Variants in FMN1 observed in about 807,000 individuals in gnomAD.
The protein encoded by FMN1 is formin-1.
A neutral mutation model predicts 132.4 loss-of-function variants in FMN1; 110 were observed. The ratio of observed to expected loss-of-function variants is 0.83; its 90% CI spans 0.71 to 0.97. The LOEUF (loss-of-function observed/expected upper bound fraction) is 0.97, where lower values mean the gene tolerates loss of function less well. Among genes scored for constraint, FMN1 ranks in the 50% least tolerant of loss-of-function variants. FMN1 has a pLI of 0.00. For synonymous variants in FMN1, 722 were observed against 651.7 expected, an observed-to-expected ratio of 1.11 and a Z score of -1.64; for missense variants, 1,792 against 1,705.3, an observed-to-expected ratio of 1.05 and a Z score of -0.90.
At chr15:32,882,571 A>G (rs2059796295) in intron 16 of FMN1, among the ~76,000 whole-genome samples, 1 of 152,218 alleles carries the variant, frequency 6.6e-6, no homozygotes, top group Non-Finnish European at 1.5e-5. Flanking sequence ...GTGCATAATG[A>G]TAATAAAAAA....
chr15:33,015,487 C>G (rs1158875147), intron 6 of FMN1, among the ~76,000 whole-genome samples: 1 of 152,116 alleles, frequency 6.6e-6, no homozygotes, highest in Non-Finnish European at 1.5e-5. Flanking sequence ...TGCGCTCTTT[C>G]TTACACATAT....
chr15:33,032,119 T>C (rs1403390257), intron 6 of FMN1, among the ~76,000 whole-genome samples: 4 of 152,220 alleles, frequency 2.6e-5, no homozygotes, highest in Non-Finnish European at 4.4e-5. Flanking sequence ...TGACTTACTT[T>C]CTCTAATCCA....
chr15:32,789,270 A>G (rs1213192362), intron 19 of FMN1, among the ~76,000 whole-genome samples: 2 of 152,190 alleles, frequency 1.3e-5, no homozygotes, highest in African/African-American at 4.8e-5. Flanking sequence ...TTAAATGACA[A>G]AACTGAAGAT....
At chr15:33,091,299 A>C (rs1021237201) in intron 4 of FMN1, among the ~76,000 whole-genome samples, 1 of 152,204 alleles carries the variant, frequency 6.6e-6, no homozygotes, top group South Asian at 2.1e-4. Flanking sequence ...ATTTATGCAA[A>C]CACACATGCA....
chr15:33,124,253 A>G (rs1358988145), intron 4 of FMN1, among the ~76,000 whole-genome samples: 1 of 146,568 alleles, frequency 6.8e-6, no homozygotes, highest in Non-Finnish European at 1.5e-5. Flanking sequence ...TGTTATGTGG[A>G]GGAAAAAAAC....
At chr15:33,017,379 T>A (rs541965714) in intron 6 of FMN1, among the ~76,000 whole-genome samples, 1 of 151,612 alleles carries the variant, frequency 6.6e-6, no homozygotes, top group Non-Finnish European at 1.5e-5. Context: ...ATGCTAATAC[T>A]AAGGGAAAGT....
chr15:33,046,643 C>A (rs1336913164), intron 6 of FMN1, among the ~76,000 whole-genome samples: 1 of 152,124 alleles, frequency 6.6e-6, no homozygotes, highest in African/African-American at 2.4e-5. Flanking sequence ...GACCCCAGAG[C>A]TATGGTATGG....
Position 32,968,980 on chromosome 15 carries a change from A to C in FMN1, c.2721T>G (p.Pro907=), listed in dbSNP as rs370803594. 1,769 of 974,116 alleles carry C rather than the reference A, an allele frequency of 1.8e-3. 26 individuals are homozygous for C. In the South Asian group the frequency reaches 0.027, roughly 15 times the overall value. The allele number at this position is 974,116 out of a possible 1,614,324, so 60.3% of individuals were successfully genotyped here. Reference sequence around the variant, plus strand: ...GTGGAGGTAGAGGTGGCGGTGGAGGAGGCGGAGGTGGTAGCGGTGGCCCAG... The same window carrying C: ...GTGGAGGTAGAGGTGGCGGTGGAGGCGGCGGAGGTGGTAGCGGTGGCCCAG... ...VSAGPPLPPP[P]PPPPPLPPPS... Residue 907 remains proline, a synonymous_variant, in exon 8 of 21, where the codon CCT becomes CCG. Coordinates refer to ENST00000616417, the MANE Select transcript of FMN1 (RefSeq NM_001277313.2).
At chr15:32,879,236 GT>G (rs397952775) in intron 16 of FMN1, among the ~76,000 whole-genome samples, 1 of 152,032 alleles carries the variant, frequency 6.6e-6, no homozygotes, top group Non-Finnish European at 1.5e-5. Context: ...TCATATCAAA[GT>G]TTTTTTTATT....
chr15:32,800,822 C>G (rs12593395), intron 18 of FMN1, among the ~76,000 whole-genome samples: 1 of 152,100 alleles, frequency 6.6e-6, no homozygotes, highest in African/African-American at 2.4e-5. Context: ...AATAGTCGTT[C>G]TACCCCACCC....
chr15:32,850,997 G>T (rs925274666), intron 17 of FMN1, among the ~76,000 whole-genome samples: 2 of 152,020 alleles, frequency 1.3e-5, no homozygotes, highest in Admixed American at 6.5e-5. Context: ...GGCAGAGCTT[G>T]CAGTGAGCCA....
chr15:32,985,145 G>C (rs1044536991), intron 7 of FMN1, among the ~76,000 whole-genome samples: 2 of 152,036 alleles, frequency 1.3e-5, no homozygotes, highest in African/African-American at 2.4e-5. Context: ...TTTCTCCAAA[G>C]GCTGGTTTAG....
intron 17 of FMN1, among the ~76,000 whole-genome samples, chr15:32,810,458 G>A (rs2057835047): frequency 6.6e-6 from 1 of 152,082 alleles, no homozygotes; most frequent in African/African-American, 2.4e-5. Flanking sequence ...AACACTATAG[G>A]GAGGCACAAA....
At chr15:32,961,924 T>C (rs1001513661) in intron 9 of FMN1, among the ~76,000 whole-genome samples, 2 of 152,062 alleles carry the variant, frequency 1.3e-5, no homozygotes, top group African/African-American at 2.4e-5. Flanking sequence ...TCTCAAGTTT[T>C]TGAGTCCTTG....
rs568495414 is a variant in FMN1, at chr15:32,896,133, T to C, written c.3714+2701A>G. ...TTACCAATTACTTGAAATTTCTCTTTTATCACATACTTGACACATATTTAT... is the reference window on the plus strand; with the variant it reads ...TTACCAATTACTTGAAATTTCTCTTCTATCACATACTTGACACATATTTAT... On this transcript the variant is annotated intron_variant, in intron 15 of 20. Coordinates refer to ENST00000616417, the MANE Select transcript of FMN1 (RefSeq NM_001277313.2). 1.5e-4 allele frequency among the ~76,000 whole-genome samples: 23 copies of C among 150,296 alleles called. No individual in the cohort carries two copies. The East Asian group carries it at 3.9e-3, about 25-fold the overall frequency.
intron 4 of FMN1, among the ~76,000 whole-genome samples, chr15:33,089,365 T>C: frequency 6.6e-6 from 1 of 152,220 alleles, no homozygotes; most frequent in East Asian, 1.9e-4. Flanking sequence ...GTGTGTGTTC[T>C]CCAGGGCAGG....
chr15:32,806,291 T>A (rs1236600637), intron 17 of FMN1, among the ~76,000 whole-genome samples: 1 of 152,206 alleles, frequency 6.6e-6, no homozygotes, highest in African/African-American at 2.4e-5. Context: ...TACCACTTAC[T>A]ATCTGTATGA....
intron 19 of FMN1, among the ~76,000 whole-genome samples, chr15:32,782,804 T>G (rs2056706688): frequency 6.6e-6 from 1 of 152,204 alleles, no homozygotes; most frequent in Non-Finnish European, 1.5e-5. Flanking sequence ...ACATACACCA[T>G]GAAATACTAT....
At chr15:32,867,509 GT>G (rs35209952) in intron 16 of FMN1, among the ~76,000 whole-genome samples, 121 of 147,332 alleles carry the variant, frequency 8.2e-4, no homozygotes, top group East Asian at 3.0e-3. Context: ...GTCTCATCAG[GT>G]TTTTTTTTTT....
Sources: allele counts gnomAD v4.1 joint callset (sites outside exome capture counted in the v4.1 genomes callset), GRCh38; gene constraint gnomAD v4.1.1; transcripts MANE v1.5; gene names NCBI Gene and HGNC (gene_info 2026-07-23, HGNC 2026-07-21).